Variants in PHKB observed in about 807,000 individuals in gnomAD.
PHKB encodes the protein phosphorylase kinase regulatory subunit beta.
In PHKB, 122 loss-of-function variants were observed where a neutral mutation model predicts 152.1. The observed-to-expected ratio is 0.80, with a 90% CI of 0.69 to 0.93. The LOEUF (loss-of-function observed/expected upper bound fraction) is 0.93. PHKB is among the 40% of genes least tolerant of loss of function. The pLI, the probability that PHKB is intolerant of heterozygous loss-of-function variation, is 0.00. For synonymous variants in PHKB, 436 were observed against 464.9 expected (o/e 0.94, Z 0.80); for missense variants, 1,304 against 1,328.4 (o/e 0.98, Z 0.29).
intron 8 of PHKB, among the ~76,000 whole-genome samples, chr16:47,582,562 C>T (rs562136357): frequency 1.3e-5 from 2 of 152,110 alleles, no homozygotes; most frequent in Admixed American, 6.5e-5. Context: ...AGCTCTACTT[C>T]CAGGGATTCT....
intron 10 of PHKB, among the ~76,000 whole-genome samples, chr16:47,591,891 C>T (rs927419739): frequency 3.3e-5 from 5 of 152,152 alleles, no homozygotes; most frequent in Admixed American, 2.0e-4. Context: ...TCCTAAAAAT[C>T]CTAAAATTCT....
intron 26 of PHKB, among the ~76,000 whole-genome samples, chr16:47,684,178 T>C (rs1342762590): frequency 6.6e-6 from 1 of 151,614 alleles, no homozygotes; most frequent in Non-Finnish European, 1.5e-5. Flanking sequence ...ACAAAAAAAT[T>C]AAAAATTAGC....
intron 20 of PHKB, among the ~76,000 whole-genome samples, chr16:47,657,461 G>C (rs1002611521): frequency 6.6e-6 from 1 of 152,110 alleles, no homozygotes; most frequent in African/African-American, 2.4e-5. Flanking sequence ...GAAAGGACCC[G>C]GTGGGATATA....
intron 7 of PHKB, chr16:47,565,141 C>T (rs1971543766): frequency 1.9e-6 from 1 of 539,406 alleles, no homozygotes. Flanking sequence ...CAGCAGCATA[C>T]TTGCTTGCAG....
chr16:47,464,878 C>T (rs1028150349), intron 1 of PHKB, among the ~76,000 whole-genome samples: 1 of 152,162 alleles, frequency 6.6e-6, no homozygotes, highest in Non-Finnish European at 1.5e-5. Flanking sequence ...GCCTCTTAAG[C>T]AGAATATTTC....
intron 1 of PHKB, 49 bp from the exon 2 acceptor site, chr16:47,497,340 TTCTTTGTTTA>T: frequency 1.9e-6 from 2 of 1,056,866 alleles, no homozygotes; most frequent in Non-Finnish European, 2.9e-6. Flanking sequence ...TTTAGAGTTT[TTCTTTGTTTA>T]TCTTTGTGAA....
intron 10 of PHKB, among the ~76,000 whole-genome samples, 187 bp downstream of exon 10, chr16:47,589,289 G>C (rs920671803): frequency 6.6e-6 from 1 of 152,084 alleles, no homozygotes; most frequent in Admixed American, 6.6e-5. Flanking sequence ...TATATCATGA[G>C]GTTCTTATGA....
chr16:47,499,937 A>G (rs369179069), intron 3 of PHKB, 43 bp downstream of exon 3: 1 of 1,611,764 alleles, frequency 6.2e-7, no homozygotes, highest in Non-Finnish European at 8.5e-7. Flanking sequence ...AGAGTGGATA[A>G]TAGGGTTTTG....
chr16:47,463,071 AAG>A (rs753540523), intron 1 of PHKB: 15 of 152,636 alleles, frequency 9.8e-5, no homozygotes, highest in Non-Finnish European at 2.2e-4. Context: ...TGTCTGAACA[AAG>A]AGAATAACTG....
chr16:47,580,434 T>C, intron 8 of PHKB, 76 bp downstream of exon 8: 1 of 1,071,648 alleles, frequency 9.3e-7, no homozygotes, highest in East Asian at 2.4e-5. Flanking sequence ...ATTAACAAAG[T>C]CATTTCCTTA....
intron 1 of PHKB, among the ~76,000 whole-genome samples, chr16:47,485,474 A>G (rs946435917): frequency 3.3e-5 from 5 of 152,236 alleles, no homozygotes; most frequent in Admixed American, 1.3e-4. Context: ...ACATTATTAA[A>G]TCAGAGAATG....
At chr16:47,686,501 A>G (rs928564142) in intron 26 of PHKB, among the ~76,000 whole-genome samples, 3 of 152,314 alleles carry the variant, frequency 2.0e-5, no homozygotes, top group Admixed American at 6.5e-5. Flanking sequence ...TTTTATAGAC[A>G]TTATTTGTTC....
At chr16:47,510,507 G>A (rs1034944889) in intron 4 of PHKB, among the ~76,000 whole-genome samples, 3 of 152,156 alleles carry the variant, frequency 2.0e-5, no homozygotes, top group Admixed American at 6.5e-5. Flanking sequence ...CAGGAAATTC[G>A]AAGGGTTCTT....
chr16:47,504,469 G>A (rs1324077052), intron 4 of PHKB, among the ~76,000 whole-genome samples: 1 of 152,214 alleles, frequency 6.6e-6, no homozygotes, highest in African/African-American at 2.4e-5. Context: ...TCTTGTGAGA[G>A]AATAGTGGAA....
chr16:47,691,813 A>G (rs927811096), intron 27 of PHKB, among the ~76,000 whole-genome samples: 20 of 152,260 alleles, frequency 1.3e-4, no homozygotes, highest in African/African-American at 4.6e-4. Context: ...TGAAAAGACA[A>G]AAAATAAAGG....
At chr16:47,526,810 A>G (rs948758721) in intron 6 of PHKB, among the ~76,000 whole-genome samples, 7 of 152,188 alleles carry the variant, frequency 4.6e-5, no homozygotes, top group African/African-American at 1.7e-4. Context: ...TTGCATTGCT[A>G]TAAAGAAATA....
chr16:47,595,270 A>G (rs1972098155), intron 12 of PHKB, among the ~76,000 whole-genome samples: 1 of 152,166 alleles, frequency 6.6e-6, no homozygotes, highest in Non-Finnish European at 1.5e-5. Flanking sequence ...TATTATCTGT[A>G]TATCATAGAC....
Position 47,641,626 on chromosome 16 carries a change from T to A in PHKB, c.1542T>A (p.Gly514=). 1 of 1,599,992 alleles carries A rather than the reference T, an allele frequency of 6.3e-7. No individual in the cohort carries two copies. Among genetic ancestry groups the A allele is most frequent in the Non-Finnish European group, 8.6e-7 (1 of 1,167,012 alleles). ...TTCAAGTTTTTCTGAACACATATGG[T>A]ATTCAAACTCAAACTCCTCAACAAG... is the stretch of plus-strand genomic sequence containing the variant. The part of the protein sequence containing the change: ...QRLQVFLNTY[G]IQTQTPQQVE... The change falls in exon 16 of 31, where the codon GGT becomes GGA. Residue 514 remains glycine, a synonymous_variant. Transcript: ENST00000323584.
intron 20 of PHKB, among the ~76,000 whole-genome samples, chr16:47,652,937 C>A (rs1289380532): frequency 6.6e-6 from 1 of 152,150 alleles, no homozygotes; most frequent in Non-Finnish European, 1.5e-5. Flanking sequence ...GCCACTGCAA[C>A]CAACCTCATT....
Sources: gnomAD v4.1 joint callset for allele counts (sites outside exome capture counted in the v4.1 genomes callset) on GRCh38, gnomAD v4.1.1 for gene constraint, MANE v1.5 for transcripts, NCBI Gene and HGNC (gene_info 2026-07-23, HGNC 2026-07-21) for gene names.